The following ZNF423 variants were observed in gnomAD, a reference collection of about 807,000 sequenced individuals.
The protein encoded by ZNF423 is Ebf-associated zinc finger protein.
Under a neutral mutation model 95.8 loss-of-function variants are expected in ZNF423, and 12 were observed. The observed-to-expected ratio is 0.13, with a 90% CI of 0.08 to 0.20. The LOEUF (loss-of-function observed/expected upper bound fraction) is 0.20. ZNF423 is among the 10% of genes least tolerant of loss of function. ZNF423 has a pLI of 1.00. For synonymous variants in ZNF423, 749 were observed against 711.9 expected, an observed-to-expected ratio of 1.05 and a Z score of -0.83; for missense variants, 1,316 against 1,737.1, an observed-to-expected ratio of 0.76 and a Z score of 4.31.
At chr16:49,541,681 C>G (rs540306048) in intron 5 of ZNF423, among the ~76,000 whole-genome samples, 1 of 152,284 alleles carries the variant, frequency 6.6e-6, no homozygotes, top group South Asian at 2.1e-4. Flanking sequence ...ACCCACCTGT[C>G]AAGGGCGGGA....
At chr16:49,540,542 A>G (rs937848903) in intron 5 of ZNF423, among the ~76,000 whole-genome samples, 14 of 151,752 alleles carry the variant, frequency 9.2e-5, no homozygotes, top group Non-Finnish European at 1.9e-4. Context: ...CGGCCTCCCC[A>G]TGTGCTTGGA....
intron 3 of ZNF423, among the ~76,000 whole-genome samples, chr16:49,659,392 G>A (rs948687313): frequency 2.0e-5 from 3 of 152,286 alleles, no homozygotes; most frequent in African/African-American, 4.8e-5. Context: ...GTGCTCGGCC[G>A]TTTTACTATT....
chr16:49,626,048 C>A, intron 5 of ZNF423, 122 bp downstream of exon 5: 1 of 952,646 alleles, frequency 1.0e-6, no homozygotes, highest in Non-Finnish European at 1.7e-6. Flanking sequence ...TGTGCAATGT[C>A]TCAGAAACAG....
chr16:49,605,960 GC>G (rs1478161076), intron 5 of ZNF423, among the ~76,000 whole-genome samples: 3 of 152,170 alleles, frequency 2.0e-5, no homozygotes, highest in Admixed American at 6.5e-5. Context: ...AAAAACACTA[GC>G]CAAACACAGA....
chr16:49,790,713 T>C (rs918676925), intron 1 of ZNF423, among the ~76,000 whole-genome samples: 23 of 152,200 alleles, frequency 1.5e-4, no homozygotes, highest in African/African-American at 5.1e-4. Context: ...CACCTTCAAA[T>C]CTCAGCTCTG....
chr16:49,667,622 C>T (rs1004810881), intron 3 of ZNF423, among the ~76,000 whole-genome samples: 5 of 152,250 alleles, frequency 3.3e-5, no homozygotes, highest in Non-Finnish European at 5.9e-5. Flanking sequence ...TGGCCCATGC[C>T]TATAATCCCA....
At chr16:49,526,172 A>G (rs546146777) in intron 5 of ZNF423, among the ~76,000 whole-genome samples, 18 of 152,316 alleles carry the variant, frequency 1.2e-4, no homozygotes, top group Non-Finnish European at 2.5e-4. Flanking sequence ...GAGAGGCCAC[A>G]GGGATGCACA....
intron 5 of ZNF423, among the ~76,000 whole-genome samples, chr16:49,613,671 C>T (rs1971792682): frequency 6.6e-6 from 1 of 152,192 alleles, no homozygotes; most frequent in South Asian, 2.1e-4. Context: ...GCTACAAACA[C>T]TCCAGCCTGG....
chr16:49,652,355 A>G (rs868690295), intron 3 of ZNF423, among the ~76,000 whole-genome samples: 20 of 72,358 alleles, frequency 2.8e-4, no homozygotes, highest in Middle Eastern at 7.5e-3. Flanking sequence ...GGAAAGGGGA[A>G]AAAAAAAAAG....
intron 2 of ZNF423, among the ~76,000 whole-genome samples, chr16:49,776,136 C>T (rs531613757): frequency 1.1e-3 from 160 of 152,286 alleles, no homozygotes; most frequent in African/African-American, 3.6e-3. Flanking sequence ...CACATGGAGT[C>T]GGCAGCAGGG....
intron 3 of ZNF423, among the ~76,000 whole-genome samples, chr16:49,700,639 T>C (rs1432782476): frequency 6.6e-6 from 1 of 152,234 alleles, no homozygotes; most frequent in African/African-American, 2.4e-5. Flanking sequence ...GCCAGCGCCC[T>C]GGCACCAAAT....
chr16:49,652,471 TACAAGGG>T (rs540141778), intron 3 of ZNF423, among the ~76,000 whole-genome samples: 46 of 152,048 alleles, frequency 3.0e-4, no homozygotes, highest in African/African-American at 1.0e-3. Flanking sequence ...AGTCTGCCCC[TACAAGGG>T]ACTCCCCAGG....
chr16:49,787,735 C>T (rs1005376287), intron 2 of ZNF423, among the ~76,000 whole-genome samples: 6 of 152,190 alleles, frequency 3.9e-5, no homozygotes, highest in South Asian at 4.1e-4. Flanking sequence ...ATAGCAATCA[C>T]TGCCAGCACC....
intron 1 of ZNF423, among the ~76,000 whole-genome samples, chr16:49,853,448 T>A (rs1361243410): frequency 2.6e-5 from 4 of 152,016 alleles, no homozygotes; most frequent in Admixed American, 2.6e-4. Context: ...AAAGGTAAAA[T>A]GGTGAGAGAC....
chr16:49,682,908 A>G (rs888571844), intron 3 of ZNF423, among the ~76,000 whole-genome samples: 1 of 152,092 alleles, frequency 6.6e-6, no homozygotes, highest in Non-Finnish European at 1.5e-5. Flanking sequence ...GGTATCTAGG[A>G]GACGCCCCTA....
intron 3 of ZNF423, chr16:49,664,268 G>T (rs1015803925): frequency 4.1e-6 from 4 of 985,436 alleles, no homozygotes; most frequent in African/African-American, 3.5e-5. Flanking sequence ...CGCCTGGGCC[G>T]GCGGAGAAGG....
At chr16:49,653,021 G>A (rs1435257882) in intron 3 of ZNF423, among the ~76,000 whole-genome samples, 1 of 152,204 alleles carries the variant, frequency 6.6e-6, no homozygotes, top group Non-Finnish European at 1.5e-5. Context: ...ATGCAGTGAT[G>A]TTTTGTCGTG....
At chr16:49,652,041 C>T (rs922606429) in intron 3 of ZNF423, among the ~76,000 whole-genome samples, 15 of 152,132 alleles carry the variant, frequency 9.9e-5, no homozygotes, top group African/African-American at 2.9e-4. Context: ...TGGAGCCCAA[C>T]GCTCTCATTA....
At chr16:49,665,902 T>C (rs544652964) in intron 3 of ZNF423, among the ~76,000 whole-genome samples, 11 of 152,236 alleles carry the variant, frequency 7.2e-5, no homozygotes, top group Non-Finnish European at 1.2e-4. Context: ...GAAAAGGGCA[T>C]GGAAAGGTCT....
Sources: allele counts gnomAD v4.1 joint callset (sites outside exome capture counted in the v4.1 genomes callset), GRCh38; gene constraint gnomAD v4.1.1; transcripts MANE v1.5; gene names NCBI Gene and HGNC (gene_info 2026-07-23, HGNC 2026-07-21).